Variants in LRMDA observed in about 807,000 individuals in gnomAD.
LRMDA encodes the protein leucine-rich melanocyte differentiation-associated protein.
In LRMDA, 18 loss-of-function variants were observed where a neutral mutation model predicts 29.8. The observed-to-expected ratio is 0.60, with a 90% confidence interval of 0.42 to 0.90. The LOEUF (loss-of-function observed/expected upper bound fraction) is 0.90, where lower values mean the gene tolerates loss of function less well. Ranked by LOEUF, LRMDA falls within the 40% of genes least tolerant of loss-of-function variation. The pLI, the probability that LRMDA is intolerant of heterozygous loss-of-function variation, is 0.00. For missense variants in LRMDA, 273 were observed against 273.9 expected (o/e 1.00, Z 0.02); for synonymous variants, 125 against 109.4 (o/e 1.14, Z -0.89).
intron 6 of LRMDA, among the ~76,000 whole-genome samples, chr10:76,440,356 C>CA (rs1354597676): frequency 2.6e-5 from 4 of 152,204 alleles, no homozygotes; most frequent in Non-Finnish European, 4.4e-5. Context: ...AAATAATCTT[C>CA]ATAGTCATGG....
At chr10:75,570,488 T>G (rs1840425753) in intron 2 of LRMDA, among the ~76,000 whole-genome samples, 1 of 152,172 alleles carries the variant, frequency 6.6e-6, no homozygotes, top group African/African-American at 2.4e-5. Context: ...GAACTGGGTG[T>G]GATGTAATAG....
intron 5 of LRMDA, among the ~76,000 whole-genome samples, chr10:76,134,663 A>G (rs1239941813): frequency 6.6e-6 from 1 of 152,168 alleles, no homozygotes; most frequent in African/African-American, 2.4e-5. Context: ...ACAAATATAA[A>G]GTCAAGTGAC....
At chr10:75,831,189 G>A (rs1844337057) in intron 2 of LRMDA, among the ~76,000 whole-genome samples, 1 of 152,096 alleles carries the variant, frequency 6.6e-6, no homozygotes, top group Non-Finnish European at 1.5e-5. Context: ...AGGACTACAG[G>A]CACCTGCCAT....
intron 2 of LRMDA, among the ~76,000 whole-genome samples, chr10:75,975,874 A>G (rs998571901): frequency 1.3e-5 from 2 of 152,106 alleles, no homozygotes; most frequent in Non-Finnish European, 2.9e-5. Flanking sequence ...TGTCAGCTCT[A>G]ATTCTAAAAT....
At chr10:75,716,660 A>G (rs1242640593) in intron 2 of LRMDA, among the ~76,000 whole-genome samples, 1 of 152,144 alleles carries the variant, frequency 6.6e-6, no homozygotes, top group African/African-American at 2.4e-5. Flanking sequence ...AAAGGAGACC[A>G]TGGGGGTTCG....
intron 2 of LRMDA, among the ~76,000 whole-genome samples, chr10:75,786,005 A>G (rs1843465894): frequency 6.6e-6 from 1 of 152,186 alleles, no homozygotes; most frequent in Admixed American, 6.5e-5. Flanking sequence ...ACAAATATTT[A>G]TCGGGCACAT....
At chr10:76,071,680 C>T (rs969408887) in intron 5 of LRMDA, among the ~76,000 whole-genome samples, 2 of 152,230 alleles carry the variant, frequency 1.3e-5, no homozygotes, top group Non-Finnish European at 2.9e-5. Flanking sequence ...ACTTTGTTCA[C>T]ATAACTGCTA....
intron 2 of LRMDA, among the ~76,000 whole-genome samples, chr10:75,474,109 C>G (rs192402006): frequency 6.6e-6 from 1 of 152,330 alleles, no homozygotes; most frequent in African/African-American, 2.4e-5. Context: ...TCCTCCCACT[C>G]CACTATTATC....
In LRMDA at chr10:76,063,358, A is replaced by G. The variant is rs371096566; in HGVS notation, c.516+4575A>G. Among the ~76,000 whole-genome samples, 649 of 152,282 alleles carry G rather than the reference A, an allele frequency of 4.3e-3. 2 individuals are homozygous for G. The Middle Eastern group carries it at 0.051, about 12-fold the overall frequency. On this transcript the variant is annotated intron_variant, in intron 5 of 6. Coordinates refer to ENST00000611255, the MANE Select transcript of LRMDA (RefSeq NM_001305581.2). ...TTTTTCCCATGCAGGTGTGTATACC[A>G]GCTTCAATCTCTCTGTGTGTATACA... is the stretch of plus-strand genomic sequence containing the variant.
chr10:76,489,183 G>A (rs991603845), intron 6 of LRMDA, among the ~76,000 whole-genome samples: 4 of 151,702 alleles, frequency 2.6e-5, no homozygotes, highest in Admixed American at 6.6e-5. Flanking sequence ...TTACAGCTTC[G>A]ATTTTGTTAC....
intron 6 of LRMDA, among the ~76,000 whole-genome samples, chr10:76,533,849 T>C (rs1843263404): frequency 6.6e-6 from 1 of 152,202 alleles, no homozygotes; most frequent in Non-Finnish European, 1.5e-5. Flanking sequence ...AAATATATTA[T>C]AATTTTAGGT....
At chr10:75,912,721 G>C (rs1255923554) in intron 2 of LRMDA, among the ~76,000 whole-genome samples, 2 of 152,166 alleles carry the variant, frequency 1.3e-5, no homozygotes, top group African/African-American at 4.8e-5. Context: ...TTGCCTTTGT[G>C]GGCAGTGGTG....
At chr10:75,912,118 C>G (rs1212145696) in intron 2 of LRMDA, among the ~76,000 whole-genome samples, 1 of 152,124 alleles carries the variant, frequency 6.6e-6, no homozygotes, top group South Asian at 2.1e-4. Flanking sequence ...GCATGAACTC[C>G]AGCTGGACAC....
intron 2 of LRMDA, among the ~76,000 whole-genome samples, chr10:76,026,250 G>A (rs748843571): frequency 6.6e-6 from 1 of 152,204 alleles, no homozygotes; most frequent in Non-Finnish European, 1.5e-5. Flanking sequence ...AGGATGTGGC[G>A]ATGGTGAATT....
chr10:76,301,090 G>A (rs1337550029), intron 5 of LRMDA, among the ~76,000 whole-genome samples: 2 of 152,100 alleles, frequency 1.3e-5, no homozygotes, highest in Non-Finnish European at 2.9e-5. Context: ...ATGTTCAGGA[G>A]AGAAATAGCC....
Position 75,710,892 on chromosome 10 carries a change from C to G in LRMDA, c.131+272398C>G, listed in dbSNP as rs74434422. ...TGGGACGCTGTGATTGATTTCTGAACAGAGACACCAAAACTTAAACATCTG... is the reference window on the plus strand; with the variant it reads ...TGGGACGCTGTGATTGATTTCTGAAGAGAGACACCAAAACTTAAACATCTG... On this transcript the variant is annotated intron_variant, in intron 2 of 6. Coordinates refer to ENST00000611255, the MANE Select transcript of LRMDA (RefSeq NM_001305581.2). 6.4e-3 allele frequency among the ~76,000 whole-genome samples: 970 copies of G among 152,368 alleles called. 13 individuals carry two copies. Among genetic ancestry groups the G allele is most frequent in the African/African-American group, 0.022 (924 of 41,588 alleles).
intron 2 of LRMDA, among the ~76,000 whole-genome samples, chr10:76,013,405 T>G (rs969963406): frequency 6.6e-6 from 1 of 152,070 alleles, no homozygotes; most frequent in African/African-American, 2.4e-5. Flanking sequence ...ACTTGGTAGC[T>G]GCACAATCCC....
chr10:76,522,177 C>G (rs1843128005), intron 6 of LRMDA, among the ~76,000 whole-genome samples: 1 of 152,180 alleles, frequency 6.6e-6, no homozygotes, highest in Non-Finnish European at 1.5e-5. Flanking sequence ...ATTTCAGACT[C>G]ATTTTATCCT....
At chr10:76,213,061 A>T (rs1225222821) in intron 5 of LRMDA, among the ~76,000 whole-genome samples, 1 of 152,196 alleles carries the variant, frequency 6.6e-6, no homozygotes, top group East Asian at 1.9e-4. Context: ...CACCCCAAAA[A>T]CGCATCCCAA....
Sources: gnomAD v4.1 joint callset for allele counts (sites outside exome capture counted in the v4.1 genomes callset) on GRCh38, gnomAD v4.1.1 for gene constraint, MANE v1.5 for transcripts, NCBI Gene and HGNC (gene_info 2026-07-23, HGNC 2026-07-21) for gene names.